Variants in USH2A observed in about 807,000 individuals in gnomAD.
USH2A encodes usherin, also known as Usher syndrome 2A (autosomal recessive, mild).
A neutral mutation model predicts 538.9 loss-of-function variants in USH2A; 443 were observed. The ratio of observed to expected loss-of-function variants is 0.82; its 90% CI spans 0.76 to 0.89. The LOEUF (loss-of-function observed/expected upper bound fraction) is 0.89. Ranked by LOEUF, USH2A falls within the 40% of genes least tolerant of loss-of-function variation. USH2A has a pLI of 0.00. For missense variants in USH2A, 6,633 were observed against 6,324.8 expected (o/e 1.05, Z -1.65); for synonymous variants, 2,413 against 2,273.5 (o/e 1.06, Z -1.75).
chr1:215,725,522 T>C (rs1299042498), intron 61 of USH2A, among the ~76,000 whole-genome samples: 1 of 152,166 alleles, frequency 6.6e-6, no homozygotes, highest in Non-Finnish European at 1.5e-5. Flanking sequence ...GATGTCCTTG[T>C]TTGCTTGAAA....
intron 62 of USH2A, among the ~76,000 whole-genome samples, chr1:215,677,916 T>C (rs1304925974): frequency 2.0e-5 from 3 of 152,212 alleles, no homozygotes; most frequent in Non-Finnish European, 4.4e-5. Flanking sequence ...ACTATCTACT[T>C]GCTCCTAACT....
chr1:215,751,475 T>C (rs757702792), intron 58 of USH2A, among the ~76,000 whole-genome samples: 4 of 152,112 alleles, frequency 2.6e-5, no homozygotes, highest in Non-Finnish European at 4.4e-5. Context: ...GTTCAAAATA[T>C]AGTCATCATC....
chr1:216,046,711 G>A (rs1007565140), intron 31 of USH2A, 119 bp from the exon 32 acceptor site: 10 of 1,190,846 alleles, frequency 8.4e-6, no homozygotes, highest in South Asian at 4.0e-5. Flanking sequence ...AAATATTCCC[G>A]ATTCGTGGGC....
At chr1:215,917,780 C>CAAAAAAA (rs869080030) in intron 38 of USH2A, among the ~76,000 whole-genome samples, 4 of 89,616 alleles carry the variant, frequency 4.5e-5, no homozygotes, top group African/African-American at 8.8e-5. Context: ...CCTATCACTA[C>CAAAAAAA]AAAAAAAAAA....
chr1:215,763,143 C>T (rs1233960313), intron 56 of USH2A, among the ~76,000 whole-genome samples: 1 of 152,124 alleles, frequency 6.6e-6, no homozygotes, highest in Non-Finnish European at 1.5e-5. Flanking sequence ...AACATTCTAC[C>T]CGACTTTGTG....
intron 11 of USH2A, among the ~76,000 whole-genome samples, chr1:216,268,399 CTG>C (rs1553323922): frequency 2.0e-5 from 3 of 152,056 alleles, no homozygotes; most frequent in Non-Finnish European, 4.4e-5. Context: ...TCAGGATTAA[CTG>C]AGATTATTAA....
At chr1:216,153,489 G>T (rs568267851) in intron 21 of USH2A, among the ~76,000 whole-genome samples, 93 of 152,290 alleles carry the variant, frequency 6.1e-4, no homozygotes, top group Non-Finnish European at 1.0e-3. Flanking sequence ...TTTCACTGGA[G>T]CCCAATTATA....
At chr1:216,290,195 A>C (rs2036974964) in intron 10 of USH2A, among the ~76,000 whole-genome samples, 1 of 152,154 alleles carries the variant, frequency 6.6e-6, no homozygotes, top group South Asian at 2.1e-4. Context: ...TTTAAACATG[A>C]TGTACTTTGC....
intron 37 of USH2A, among the ~76,000 whole-genome samples, chr1:215,948,004 A>G (rs1666800461): frequency 6.6e-6 from 1 of 152,144 alleles, no homozygotes; most frequent in Non-Finnish European, 1.5e-5. Flanking sequence ...GAAGTAAACC[A>G]CCTTTAGCTA....
intron 64 of USH2A, among the ~76,000 whole-genome samples, chr1:215,655,725 C>CTTTTTTTTTTTTTTTTTTTTTTTT (rs766225635): frequency 5.2e-5 from 5 of 96,192 alleles, no homozygotes; most frequent in African/African-American, 1.9e-4. Flanking sequence ...GCTAGTTATT[C>CTTTTTTTTTTTTTTTTTTTTTTTT]TTTTTTTTTT....
chr1:215,658,732 C>A (rs142669811), intron 64 of USH2A, among the ~76,000 whole-genome samples: 106 of 152,354 alleles, frequency 7.0e-4, no homozygotes, highest in African/African-American at 2.4e-3. Context: ...ACTTATCATG[C>A]TTTCAGCAAT....
At chr1:216,335,812 C>T (rs546994606) in intron 4 of USH2A, among the ~76,000 whole-genome samples, 1 of 151,546 alleles carries the variant, frequency 6.6e-6, no homozygotes, top group East Asian at 1.9e-4. Flanking sequence ...AAGCTTAGGA[C>T]CAGATGCTTT....
At position 216,171,574 on chromosome 1, in the gene USH2A, C is replaced by T. The variant is rs546600106; in HGVS notation, c.4627+3678G>A. 3.9e-5 allele frequency among the ~76,000 whole-genome samples: 6 copies of T among 152,098 alleles called. No individual in the cohort carries two copies. In the East Asian group the frequency reaches 1.2e-3, roughly 29 times the overall value. Reference sequence around the variant, plus strand: ...AGGAAAGCTCCTGTCTCATAGTAGGCACTTAATAAATATTTATTAAATGAA... The same window carrying T: ...AGGAAAGCTCCTGTCTCATAGTAGGTACTTAATAAATATTTATTAAATGAA... On this transcript the variant is annotated intron_variant, in intron 21 of 71. Transcript: ENST00000307340.
rs147781272 is a variant in USH2A at position 216,054,830 on chromosome 1, T to C, written c.6050-6183A>G. 3.2e-3 allele frequency among the ~76,000 whole-genome samples: 489 copies of C among 152,318 alleles called. 3 individuals carry two copies. Among genetic ancestry groups the C allele is most frequent in the African/African-American group, 0.011 (471 of 41,572 alleles). ...GTCTGTAATTGGACAGGTGTCTGCA[T>C]TGATGTCACCCAGCTTTTAATTCAA... On this transcript the variant is annotated intron_variant, in intron 30 of 71. Coordinates refer to ENST00000307340, the MANE Select transcript of USH2A (RefSeq NM_206933.4).
intron 9 of USH2A, among the ~76,000 whole-genome samples, chr1:216,316,530 A>G (rs536954431): frequency 6.6e-6 from 1 of 152,314 alleles, no homozygotes; most frequent in Admixed American, 6.5e-5. Flanking sequence ...AGCAAGCCCA[A>G]GAGTGATACT....
At chr1:215,861,605 G>A (rs1042410931) in intron 44 of USH2A, among the ~76,000 whole-genome samples, 4 of 152,054 alleles carry the variant, frequency 2.6e-5, no homozygotes, top group East Asian at 1.9e-4. Context: ...TCCAGTCCAG[G>A]GGAAGGGCTA....
intron 11 of USH2A, among the ~76,000 whole-genome samples, chr1:216,278,285 A>G (rs1321180752): frequency 2.0e-5 from 3 of 152,120 alleles, no homozygotes; most frequent in Non-Finnish European, 4.4e-5. Context: ...ACTGGAGGCT[A>G]AGACCTCATC....
intron 11 of USH2A, among the ~76,000 whole-genome samples, chr1:216,261,064 G>A (rs916646235): frequency 2.6e-5 from 4 of 152,040 alleles, no homozygotes; most frequent in Non-Finnish European, 5.9e-5. Flanking sequence ...AAAGCAGATG[G>A]CAAAATTCAT....
chr1:216,071,383 A>G (rs1029212950), intron 29 of USH2A, among the ~76,000 whole-genome samples: 1 of 152,222 alleles, frequency 6.6e-6, no homozygotes, highest in African/African-American at 2.4e-5. Context: ...TCGAGTTGCA[A>G]GGAAAGGGAC....
Sources: gnomAD v4.1 joint callset for allele counts (sites outside exome capture counted in the v4.1 genomes callset) on GRCh38, gnomAD v4.1.1 for gene constraint, MANE v1.5 for transcripts, NCBI Gene and HGNC (gene_info 2026-07-23, HGNC 2026-07-21) for gene names.